Variants in CAPN11 observed in about 807,000 individuals in gnomAD.
The protein encoded by CAPN11 is calpain-11.
CAPN11 carries 108 observed loss-of-function variants against 105.3 expected under a neutral mutation model. The ratio of observed to expected loss-of-function variants is 1.03; its 90% CI spans 0.88 to 1.20. The LOEUF is 1.20. Ranked by LOEUF, CAPN11 falls within the 50% of genes most tolerant of loss-of-function variation. CAPN11 has a pLI of 0.00. For missense variants in CAPN11, 883 were observed against 924.8 expected, an observed-to-expected ratio of 0.95 and a Z score of 0.59; for synonymous variants, 329 against 344.5, an observed-to-expected ratio of 0.96 and a Z score of 0.50.
chr6:44,173,480 T>A (rs1771368193), intron 7 of CAPN11, 94 bp downstream of exon 7: 28 of 763,362 alleles, frequency 3.7e-5, no homozygotes, highest in Non-Finnish European at 5.6e-5. Flanking sequence ...GCCAGCACCT[T>A]CTCATTCAGT....
rs372017742 is a variant in CAPN11, at chr6:44,169,300, G to A, written c.108G>A (p.Thr36=). The A allele has an allele frequency of 2.8e-5, 45 of 1,609,864 alleles. No individual in the cohort carries two copies. Among genetic ancestry groups the A allele is most frequent in the East Asian group, 8.9e-5 (4 of 44,856 alleles). ...GSCAEPTFTD[T]GMVAHINNSR... ...AAGCAGAGCCCACTTTTACTGATACGGGAATGGTGGCTCACATAAACAACA... is the reference window on the plus strand; with the variant it reads ...AAGCAGAGCCCACTTTTACTGATACAGGAATGGTGGCTCACATAAACAACA... Residue 36 remains threonine (T), a synonymous_variant, in exon 3 of 23, where the codon ACG becomes ACA. Coordinates refer to ENST00000398776, the MANE Select transcript of CAPN11 (RefSeq NM_007058.4).
chr6:44,176,751 T>C (rs1364930518), intron 10 of CAPN11, 87 bp from the exon 11 acceptor site: 1 of 1,576,690 alleles, frequency 6.3e-7, no homozygotes, highest in East Asian at 2.2e-5. Flanking sequence ...ATGGGGAGGC[T>C]TGGGGTGGTT....
In CAPN11 at chr6:44,166,849, G is replaced by T. The variant is rs769933683; in HGVS notation, c.88+20G>T. On this transcript the variant is annotated intron_variant, in intron 2 of 22. Coordinates refer to ENST00000398776, the MANE Select transcript of CAPN11 (RefSeq NM_007058.4). ...GTGCGGGTAGGACTGCAGACCCGTCGTGGCTCTGTGGCCTCCCTTTTTCTT... is the reference window on the plus strand; with the variant it reads ...GTGCGGGTAGGACTGCAGACCCGTCTTGGCTCTGTGGCCTCCCTTTTTCTT... 2.0e-6 allele frequency: 3 copies of T among 1,501,020 alleles called. No homozygotes were observed. Among genetic ancestry groups the T allele is most frequent in the East Asian group, 4.9e-5 (2 of 40,596 alleles). 93.0% of individuals were successfully genotyped at this position (1,501,020 alleles called of 1,614,324 possible).
intron 14 of CAPN11, 93 bp from the exon 15 acceptor site, chr6:44,180,367 C>A: frequency 1.6e-6 from 2 of 1,268,200 alleles, no homozygotes; most frequent in South Asian, 1.2e-5. Context: ...CCCTATATTG[C>A]TTCAAAGACA....
chr6:44,166,668 T>C, intron 1 of CAPN11, 90 bp from the exon 2 acceptor site: 1 of 982,114 alleles, frequency 1.0e-6, no homozygotes, highest in Non-Finnish European at 1.6e-6. Context: ...TTCCTCATTC[T>C]AAAATCTTCC....
intron 1 of CAPN11, among the ~76,000 whole-genome samples, chr6:44,159,822 A>C (rs1234700766): frequency 6.6e-6 from 1 of 152,030 alleles, no homozygotes; most frequent in Non-Finnish European, 1.5e-5. Flanking sequence ...CCCTAATAAC[A>C]ATGTATTGCA....
rs370993451 is a variant in CAPN11, at chr6:44,180,477, A to G, written c.1658A>G (p.Asn553Ser). The part of the protein sequence containing the change: ...HSESWELDEV[N>S]YAEQLQEEKV... The stretch of plus-strand genomic sequence containing the variant: ...TTGCCCAGGGAATTGGATGAAGTCA[A>G]CTATGCTGAGCAACTCCAAGAGGTG... The change falls in exon 15 of 23, where the codon AAC becomes AGC. Residue 553 changes from asparagine (N) to serine (S), a missense_variant. Physicochemically the swap from Asn to Ser is conservative, Grantham distance 46. Coordinates refer to ENST00000398776, the MANE Select transcript of CAPN11 (RefSeq NM_007058.4). 9 of 1,613,720 alleles carry G rather than the reference A, an allele frequency of 5.6e-6. No individual in the cohort carries two copies. Among genetic ancestry groups the G allele is most frequent in the African/African-American group, 5.3e-5 (4 of 74,878 alleles).
At chr6:44,163,938 A>C (rs1467230054) in intron 1 of CAPN11, among the ~76,000 whole-genome samples, 1 of 152,166 alleles carries the variant, frequency 6.6e-6, no homozygotes, top group Non-Finnish European at 1.5e-5. Context: ...CCCAGCCTGA[A>C]GTGATCCTCC....
chr6:44,181,788 CACACACA>C (rs1773551437), intron 19 of CAPN11, among the ~76,000 whole-genome samples: 3 of 48,362 alleles, frequency 6.2e-5, no homozygotes, highest in Non-Finnish European at 9.3e-5. Flanking sequence ...CCACACCACA[CACACACA>C]TACACACTCA....
chr6:44,180,904 C>G, intron 17 of CAPN11, 29 bp from the exon 18 acceptor site: 1 of 1,612,132 alleles, frequency 6.2e-7, no homozygotes, highest in Non-Finnish European at 8.5e-7. Flanking sequence ...TACCCTGTCT[C>G]TCCTTTCTAC....
chr6:44,176,770 T>C, intron 10 of CAPN11, 68 bp from the exon 11 acceptor site: 1 of 1,585,972 alleles, frequency 6.3e-7, no homozygotes. Context: ...TTGTGGGGGG[T>C]GGTTCAGGGA....
At chr6:44,168,510 C>T (rs1022889520) in intron 2 of CAPN11, among the ~76,000 whole-genome samples, 9 of 151,712 alleles carry the variant, frequency 5.9e-5, no homozygotes, top group Middle Eastern at 3.4e-3. Flanking sequence ...CCTTGTGATC[C>T]GCCCACCTTG....
intron 1 of CAPN11, among the ~76,000 whole-genome samples, chr6:44,159,765 A>G (rs369994785): frequency 6.6e-6 from 1 of 151,922 alleles, no homozygotes; most frequent in East Asian, 1.9e-4. Flanking sequence ...ACAACATCTT[A>G]GTTTTTTCCC....
intron 3 of CAPN11, 34 bp from the exon 4 acceptor site, chr6:44,169,872 T>C (rs980246934): frequency 6.5e-7 from 1 of 1,527,290 alleles, no homozygotes; most frequent in East Asian, 2.3e-5. Flanking sequence ...GGGGGTGTCC[T>C]GGGCCCCCTG....
At chr6:44,160,612 G>A (rs142044098) in intron 1 of CAPN11, among the ~76,000 whole-genome samples, 2,171 of 152,056 alleles carry the variant, frequency 0.014, 51 homozygotes, top group African/African-American at 0.048. Flanking sequence ...GTGAGACTCC[G>A]CCTCAAAAAA....
rs1350042850 is a variant in CAPN11 at position 44,183,029 on chromosome 6, G to A, written c.2017+10G>A. On this transcript the variant is annotated intron_variant, in intron 20 of 22. Coordinates refer to ENST00000398776, the MANE Select transcript of CAPN11 (RefSeq NM_007058.4). ...GTTATTGAGAAAGCAGGTGGCCAAG[G>A]GTCAGGAGTGGGCCTTGGGGCAGGG... The A allele has an allele frequency of 6.2e-7, 1 of 1,610,930 alleles. No homozygotes were observed. Among genetic ancestry groups the A allele is most frequent in the Admixed American group, 1.7e-5 (1 of 59,928 alleles).
intron 1 of CAPN11, among the ~76,000 whole-genome samples, chr6:44,166,180 G>C (rs1769809949): frequency 6.6e-6 from 1 of 152,106 alleles, no homozygotes; most frequent in South Asian, 2.1e-4. Flanking sequence ...AAGAGGAAGG[G>C]GGATAAGTTC....
chr6:44,160,070 G>A (rs1432187695), intron 1 of CAPN11, among the ~76,000 whole-genome samples: 1 of 151,424 alleles, frequency 6.6e-6, no homozygotes. Flanking sequence ...GCAAGTGGAG[G>A]TTGCAGTGAG....
chr6:44,160,566 A>G (rs989318713), intron 1 of CAPN11, among the ~76,000 whole-genome samples: 4 of 152,114 alleles, frequency 2.6e-5, no homozygotes, highest in Admixed American at 6.6e-5. Context: ...GCAGTGAGCC[A>G]AGATCGCTCC....
Sources: allele counts gnomAD v4.1 joint callset (sites outside exome capture counted in the v4.1 genomes callset), GRCh38; gene constraint gnomAD v4.1.1; transcripts MANE v1.5; gene names NCBI Gene and HGNC (gene_info 2026-07-23, HGNC 2026-07-21).